ARID3B: variants seen among roughly 807,000 people sequenced by gnomAD.
The protein encoded by ARID3B is AT-rich interaction domain 3B, also known as AT-rich interactive domain-containing protein 3B.
In ARID3B, 10 loss-of-function variants were observed where a neutral mutation model predicts 51.9. The ratio of observed to expected loss-of-function variants is 0.19; its 90% CI spans 0.12 to 0.33. The LOEUF is 0.33. Ranked by LOEUF, ARID3B falls within the 10% of genes least tolerant of loss-of-function variation. The pLI is 1.00. For synonymous variants in ARID3B, 205 were observed against 279.5 expected, an observed-to-expected ratio of 0.73 and a Z score of 2.66; for missense variants, 483 against 716.3, an observed-to-expected ratio of 0.67 and a Z score of 3.72.
At chr15:74,565,792 A>G (rs1488584544) in intron 2 of ARID3B, among the ~76,000 whole-genome samples, 1 of 151,466 alleles carries the variant, frequency 6.6e-6, no homozygotes, top group Non-Finnish European at 1.5e-5. Context: ...TTCTTGGATC[A>G]GGAGACCTTT....
intron 2 of ARID3B, among the ~76,000 whole-genome samples, chr15:74,560,236 T>A (rs1227868050): frequency 1.3e-5 from 2 of 151,796 alleles, no homozygotes; most frequent in Non-Finnish European, 2.9e-5. Context: ...AATTTTGTGC[T>A]TAACTTTTAT....
intron 2 of ARID3B, among the ~76,000 whole-genome samples, chr15:74,545,023 T>C (rs1046174292): frequency 6.6e-6 from 1 of 152,226 alleles, no homozygotes; most frequent in Non-Finnish European, 1.5e-5. Flanking sequence ...TTTGCCAAGT[T>C]TGATGTGAAA....
chr15:74,573,314 A>T, intron 4 of ARID3B, 110 bp downstream of exon 4: 3 of 1,217,694 alleles, frequency 2.5e-6, no homozygotes, highest in South Asian at 1.2e-5. Context: ...CCAGGAGGAG[A>T]AGAGGCATTT....
chr15:74,574,966 C>A (rs1013186424), intron 4 of ARID3B: 2 of 150,902 alleles, frequency 1.3e-5, no homozygotes, highest in Middle Eastern at 3.4e-3. Flanking sequence ...TTCACCACTG[C>A]CCTCCATCCT....
At position 74,591,267 on chromosome 15, in the gene ARID3B, C is replaced by T. The variant is rs1352982253; in HGVS notation, c.998C>T (p.Ser333Phe). ...GAGGGCCGGCGGCCCAGCTACAGCTCCTCCCTCTTTGGCTACTCACCTGCT... is the reference window on the plus strand; with the variant it reads ...GAGGGCCGGCGGCCCAGCTACAGCTTCTCCCTCTTTGGCTACTCACCTGCT... The part of the protein sequence containing the change: ...RREGRRPSYS[S>F]SLFGYSPAAA... The change falls in exon 6 of 9, where the codon TCC (serine) becomes TTC (phenylalanine). Residue 333 changes from serine to phenylalanine, a missense_variant. Ser to Phe is a radical substitution (Grantham distance 155, BLOSUM62 -2). This residue lies in a region of ARID3B where 265 missense variants were observed against 354.4 expected (regional missense o/e 0.75). Transcript: ENST00000346246. The surrounding 1 kb of genome is among the most constrained non-coding windows in gnomAD (Gnocchi z 5.8). The T allele has an allele frequency of 2.5e-6, 4 of 1,614,030 alleles. No individual in the cohort carries two copies. Among genetic ancestry groups the T allele is most frequent in the South Asian group, 1.1e-5 (1 of 91,070 alleles).
At chr15:74,555,357 T>A (rs896562259) in intron 2 of ARID3B, among the ~76,000 whole-genome samples, 5 of 151,776 alleles carry the variant, frequency 3.3e-5, no homozygotes, top group Admixed American at 2.6e-4. Context: ...TGAAGCAGGG[T>A]CTCACTCTTT....
At chr15:74,589,021 CTTTTTTTTTTTTT>C (rs900091332) in intron 4 of ARID3B, among the ~76,000 whole-genome samples, 5 of 87,810 alleles carry the variant, frequency 5.7e-5, no homozygotes, top group African/African-American at 1.5e-4. Flanking sequence ...CAAGCACACT[CTTTTTTTTTTTTT>C]TTTTTTTTTT....
Position 74,544,350 on chromosome 15 carries a change from C to A in ARID3B, c.414C>A (p.Ser138=). Residue 138 remains serine, a synonymous_variant, in exon 2 of 9, where the codon TCC becomes TCA. Coordinates refer to ENST00000346246, the MANE Select transcript of ARID3B (RefSeq NM_006465.4). ...ARQDPRVAPM[S]NLLPAPGLPP... is the part of the protein sequence containing the mutation. Reference sequence around the variant, plus strand: ...AAGATCCCAGAGTGGCACCCATGTCCAATCTACTTCCAGCACCAGGGCTCC... The same window carrying A: ...AAGATCCCAGAGTGGCACCCATGTCAAATCTACTTCCAGCACCAGGGCTCC... 13 of 1,612,508 alleles carry A rather than the reference C, an allele frequency of 8.1e-6. No individual in the cohort carries two copies. The highest frequency in any genetic ancestry group is 1.1e-5 in the Non-Finnish European group (13 of 1,179,086).
intron 2 of ARID3B, among the ~76,000 whole-genome samples, chr15:74,548,022 G>A (rs1327763616): frequency 6.6e-6 from 1 of 152,166 alleles, no homozygotes; most frequent in Admixed American, 6.5e-5. Flanking sequence ...CTCAAGGCCT[G>A]GATTGTTAAG....
intron 2 of ARID3B, among the ~76,000 whole-genome samples, chr15:74,559,040 A>G (rs1428892923): frequency 6.6e-6 from 1 of 152,072 alleles, no homozygotes; most frequent in African/African-American, 2.4e-5. Context: ...ATGGCGGGCC[A>G]TGTAGTCTCT....
intron 4 of ARID3B, among the ~76,000 whole-genome samples, chr15:74,586,796 C>T (rs1222723828): frequency 2.0e-5 from 3 of 152,210 alleles, no homozygotes; most frequent in African/African-American, 4.8e-5. Flanking sequence ...TGACAGTCCT[C>T]CTGGGATATC....
At position 74,597,827 on chromosome 15, in the gene ARID3B, A is replaced by C. The variant is rs1425672083; in HGVS notation, c.*2053A>C. The stretch of plus-strand genomic sequence containing the variant: ...TTGGAGTGAACCCTCACTGCCCTCA[A>C]GGACAACAGCAGGGTGTCACCCAGA... On this transcript the variant is annotated 3_prime_UTR_variant, in exon 9 of 9. Coordinates refer to ENST00000346246, the MANE Select transcript of ARID3B (RefSeq NM_006465.4). The C allele has an allele frequency of 4.4e-5, 22 of 494,532 alleles. No individual in the cohort carries two copies. The highest frequency in any genetic ancestry group is 8.6e-5 in the Non-Finnish European group (22 of 255,374). The allele number at this position is 494,532 out of a possible 1,614,324, so 30.6% of individuals were successfully genotyped here.
In ARID3B at chr15:74,591,314, G is replaced by A. The variant is rs1310325305; in HGVS notation, c.1045G>A (p.Ala349Thr). The change falls in exon 6 of 9, where the codon GCC becomes ACC. Residue 349 changes from alanine (A) to threonine (T), a missense_variant. Physicochemically the swap from Ala to Thr is moderately conservative, Grantham distance 58 (BLOSUM62 0). Coordinates refer to ENST00000346246, the MANE Select transcript of ARID3B (RefSeq NM_006465.4). This position sits in a 1 kb window ranked among gnomAD's most constrained non-coding sequence, Gnocchi z 5.8. ...SPAAATAAAA[A>T]GAPALLSPPK... Reference sequence around the variant, plus strand: ...TGCTGCGGCTACTGCTGCTGCCGCTGCCGGGGCCCCTGCCCTTCTCTCCCC... The same window carrying A: ...TGCTGCGGCTACTGCTGCTGCCGCTACCGGGGCCCCTGCCCTTCTCTCCCC... 1.9e-6 allele frequency: 3 copies of A among 1,613,820 alleles called. No homozygotes were observed. The highest frequency in any genetic ancestry group is 2.5e-6 in the Non-Finnish European group (3 of 1,179,966).
intron 2 of ARID3B, among the ~76,000 whole-genome samples, chr15:74,557,817 C>CTTTTTTT (rs11307414): frequency 7.3e-5 from 8 of 109,774 alleles, no homozygotes; most frequent in Admixed American, 1.1e-4. Flanking sequence ...TTTCGACTTA[C>CTTTTTTT]TTTTTTTTTT....
chr15:74,580,773 C>T (rs1278841870), intron 4 of ARID3B, among the ~76,000 whole-genome samples: 1 of 152,194 alleles, frequency 6.6e-6, no homozygotes, highest in Non-Finnish European at 1.5e-5. Context: ...CCATCACTCC[C>T]CTTTGGAGAA....
chr15:74,595,148 T>A (rs568486292), intron 8 of ARID3B, among the ~76,000 whole-genome samples: 8 of 152,268 alleles, frequency 5.3e-5, no homozygotes, highest in African/African-American at 1.9e-4. Flanking sequence ...TGGGCTCAAG[T>A]GATCCTCCTG....
intron 4 of ARID3B, among the ~76,000 whole-genome samples, chr15:74,588,044 C>G (rs1452082879): frequency 1.3e-5 from 2 of 152,050 alleles, no homozygotes; most frequent in African/African-American, 4.8e-5. Flanking sequence ...AGTTTGAGAC[C>G]AGCCTGGGCA....
At position 74,598,036 on chromosome 15, in the gene ARID3B, G is replaced by A; in HGVS notation, c.*2262G>A. 3.8e-6 allele frequency: 2 copies of A among 530,388 alleles called. No individual in the cohort carries two copies. The highest frequency in any genetic ancestry group is 4.5e-5 in the Admixed American group (2 of 44,794). The allele number at this position is 530,388 out of a possible 1,614,324, so 32.9% of individuals were successfully genotyped here. A position where few individuals can be genotyped will look rare whatever the true frequency, so the allele number is the denominator to read the frequency against. ...TAGGCAGTGAGTAAATACCTCAGAT[G>A]TCCTCCTGCAGCAAGTGTCTATATG... On this transcript the variant is annotated 3_prime_UTR_variant, in exon 9 of 9. Transcript: ENST00000346246.
intron 2 of ARID3B, among the ~76,000 whole-genome samples, chr15:74,571,482 C>T (rs931588300): frequency 4.6e-5 from 7 of 152,178 alleles, no homozygotes; most frequent in Non-Finnish European, 8.8e-5. Flanking sequence ...CCACTGGGAC[C>T]TCCACTGACC....
Sources: allele counts gnomAD v4.1 joint callset (sites outside exome capture counted in the v4.1 genomes callset), GRCh38; gene constraint gnomAD v4.1.1; regional missense constraint gnomAD v4.1.1; non-coding constraint Gnocchi (gnomAD v3.1); transcripts MANE v1.5; gene names NCBI Gene and HGNC (gene_info 2026-07-23, HGNC 2026-07-21).